Variants in SORCS3 observed in about 807,000 individuals in gnomAD.
SORCS3 encodes the protein sortilin related VPS10 domain containing receptor 3.
A neutral mutation model predicts 146.3 loss-of-function variants in SORCS3; 57 were observed. The ratio of observed to expected loss-of-function variants is 0.39; its 90% CI spans 0.31 to 0.49. The LOEUF is 0.49. Ranked by LOEUF, SORCS3 falls within the 20% of genes least tolerant of loss-of-function variation. The pLI, the probability that SORCS3 is intolerant of heterozygous loss-of-function variation, is 0.92. For missense variants in SORCS3, 1,341 were observed against 1,575.5 expected (o/e 0.85, Z 2.52); for synonymous variants, 653 against 618.5 (o/e 1.06, Z -0.83).
chr10:104,922,439 A>G (rs1480123422), intron 3 of SORCS3, among the ~76,000 whole-genome samples: 3 of 152,156 alleles, frequency 2.0e-5, no homozygotes, highest in African/African-American at 7.2e-5. Context: ...TGCTACATAG[A>G]CCTAGGTCTC....
intron 2 of SORCS3, among the ~76,000 whole-genome samples, chr10:104,859,387 C>A (rs1253142483): frequency 6.6e-6 from 1 of 152,118 alleles, no homozygotes; most frequent in Non-Finnish European, 1.5e-5. Flanking sequence ...GAAACTGGAT[C>A]CCTTGCTTAC....
chr10:105,095,818 C>T (rs557143573), intron 6 of SORCS3, among the ~76,000 whole-genome samples: 3 of 152,110 alleles, frequency 2.0e-5, no homozygotes, highest in African/African-American at 7.2e-5. Flanking sequence ...AAGTAAACCT[C>T]TCTAGGTTCC....
At chr10:104,907,210 A>G (rs1273316998) in intron 2 of SORCS3, among the ~76,000 whole-genome samples, 1 of 152,006 alleles carries the variant, frequency 6.6e-6, no homozygotes, top group African/African-American at 2.4e-5. Flanking sequence ...GTTCATATCA[A>G]CAGAGATGCA....
chr10:104,873,530 T>A (rs1352555845), intron 2 of SORCS3, among the ~76,000 whole-genome samples: 1 of 152,210 alleles, frequency 6.6e-6, no homozygotes, highest in Non-Finnish European at 1.5e-5. Flanking sequence ...AATTTCCTTC[T>A]CCTTTTTTAT....
intron 1 of SORCS3, among the ~76,000 whole-genome samples, chr10:104,673,503 G>C (rs1384775469): frequency 6.6e-6 from 1 of 151,712 alleles, no homozygotes; most frequent in Non-Finnish European, 1.5e-5. Flanking sequence ...TCACTCTGTT[G>C]CCCAGGCTGG....
intron 5 of SORCS3, among the ~76,000 whole-genome samples, chr10:105,062,872 C>T (rs1405949174): frequency 2.0e-5 from 3 of 152,174 alleles, no homozygotes; most frequent in African/African-American, 7.2e-5. Context: ...CTCCATCAGA[C>T]ACCTTTTGGT....
Position 104,971,246 on chromosome 10 carries a change from G to A in SORCS3, c.796-6089G>A, listed in dbSNP as rs116742750. Among the ~76,000 whole-genome samples, 335 of 152,328 alleles carry A rather than the reference G, an allele frequency of 2.2e-3. 2 individuals carry two copies. Among genetic ancestry groups the A allele is most frequent in the African/African-American group, 7.6e-3 (314 of 41,588 alleles). ...TGTTCTGGCCACGGTGTGAAACATG[G>A]ATTGGAAGGGACAAGGCTAACATGG... On this transcript the variant is annotated intron_variant, in intron 3 of 26. Transcript: ENST00000369701.
At chr10:104,872,403 G>C (rs935865089) in intron 2 of SORCS3, among the ~76,000 whole-genome samples, 2 of 151,944 alleles carry the variant, frequency 1.3e-5, no homozygotes, top group African/African-American at 4.8e-5. Flanking sequence ...TGAAGTCTTT[G>C]GCCCAGGGAA....
intron 13 of SORCS3, among the ~76,000 whole-genome samples, chr10:105,172,356 TGAATGGTA>T (rs1412852473): frequency 2.6e-5 from 4 of 152,238 alleles, no homozygotes; most frequent in African/African-American, 9.6e-5. Context: ...GATACACTGT[TGAATGGTA>T]GTGTGTACTT....
chr10:105,258,976 T>C (rs913229782), intron 25 of SORCS3, among the ~76,000 whole-genome samples: 3 of 152,124 alleles, frequency 2.0e-5, no homozygotes, highest in Admixed American at 6.5e-5. Flanking sequence ...TTCTGTGGGA[T>C]TTTCTTTTAT....
intron 1 of SORCS3, among the ~76,000 whole-genome samples, chr10:104,830,355 G>A (rs966354439): frequency 1.3e-5 from 2 of 152,198 alleles, no homozygotes; most frequent in African/African-American, 2.4e-5. Context: ...TCAAAGATCG[G>A]TCACTGCAGG....
chr10:105,214,304 G>T, intron 17 of SORCS3, 138 bp from the exon 18 acceptor site: 1 of 860,070 alleles, frequency 1.2e-6, no homozygotes, highest in South Asian at 1.6e-5. Context: ...TTGAGACTTG[G>T]TTTCCAGGGG....
intron 1 of SORCS3, among the ~76,000 whole-genome samples, chr10:104,755,668 A>C (rs1443825681): frequency 6.6e-6 from 1 of 152,202 alleles, no homozygotes; most frequent in Non-Finnish European, 1.5e-5. Context: ...TGGTGTGAGC[A>C]AAAACCTAGA....
chr10:105,016,773 C>G (rs1479983288), intron 4 of SORCS3, among the ~76,000 whole-genome samples: 2 of 152,106 alleles, frequency 1.3e-5, no homozygotes, highest in African/African-American at 4.8e-5. Context: ...AATCTCTTGT[C>G]CTGGCAGAGG....
At chr10:104,731,944 G>C (rs1336859792) in intron 1 of SORCS3, among the ~76,000 whole-genome samples, 3 of 152,166 alleles carry the variant, frequency 2.0e-5, no homozygotes, top group Non-Finnish European at 4.4e-5. Context: ...CCAAATCTCA[G>C]CCCTTCCAGT....
At chr10:105,105,920 A>C (rs149329284) in intron 7 of SORCS3, among the ~76,000 whole-genome samples, 1 of 152,282 alleles carries the variant, frequency 6.6e-6, no homozygotes, top group African/African-American at 2.4e-5. Flanking sequence ...GGAAATACCT[A>C]CTACTCACTA....
intron 3 of SORCS3, among the ~76,000 whole-genome samples, chr10:104,937,940 C>T (rs1473031470): frequency 6.6e-6 from 1 of 152,076 alleles, no homozygotes; most frequent in Non-Finnish European, 1.5e-5. Flanking sequence ...ATGCAGGTGC[C>T]AGTGGAGATG....
At chr10:104,735,456 G>GTTGTTTTTTTTTTTTTTTTTTT (rs2016757341) in intron 1 of SORCS3, among the ~76,000 whole-genome samples, 2 of 34,992 alleles carry the variant, frequency 5.7e-5, no homozygotes, top group Non-Finnish European at 9.7e-5. Context: ...CTCACCGTCT[G>GTTGTTTTTTTTTTTTTTTTTTT]TTTTTTTTTT....
At chr10:104,967,604 C>T (rs780351594) in intron 3 of SORCS3, among the ~76,000 whole-genome samples, 1 of 152,076 alleles carries the variant, frequency 6.6e-6, no homozygotes, top group Non-Finnish European at 1.5e-5. Flanking sequence ...AAATAATCCC[C>T]ACATCACCTC....
Sources: gnomAD v4.1 joint callset for allele counts (sites outside exome capture counted in the v4.1 genomes callset) on GRCh38, gnomAD v4.1.1 for gene constraint, MANE v1.5 for transcripts, NCBI Gene and HGNC (gene_info 2026-07-23, HGNC 2026-07-21) for gene names.